IGSF5: variants seen among roughly 807,000 people sequenced by gnomAD.
IGSF5 encodes immunoglobulin superfamily 5 like.
A neutral mutation model predicts 39.4 loss-of-function variants in IGSF5; 41 were observed. The observed-to-expected ratio is 1.04, with a 90% CI of 0.81 to 1.35. The LOEUF is 1.35. Ranked by LOEUF, IGSF5 falls within the 40% of genes most tolerant of loss-of-function variation. The pLI, the probability that IGSF5 is intolerant of heterozygous loss-of-function variation, is 0.00. For synonymous variants in IGSF5, 183 were observed against 175.3 expected (o/e 1.04, Z -0.34); for missense variants, 487 against 494.6 (o/e 0.98, Z 0.15).
At chr21:39,714,132 G>A in the IGSF5 span, among the ~76,000 whole-genome samples, 1 of 152,232 alleles carries the variant, frequency 6.6e-6, no homozygotes, top group Non-Finnish European at 1.5e-5. Context: ...GCATTCATCG[G>A]TTGCTTGGCT....
intron 4 of IGSF5, among the ~76,000 whole-genome samples, chr21:39,776,362 C>G (rs2080140841): frequency 6.6e-6 from 1 of 152,142 alleles, no homozygotes; most frequent in Non-Finnish European, 1.5e-5. Context: ...GCTTAAGTCT[C>G]ACCCAGGCAT....
chr21:39,753,549 A>G (rs1276769314), intron 2 of IGSF5, among the ~76,000 whole-genome samples: 1 of 152,130 alleles, frequency 6.6e-6, no homozygotes, highest in Non-Finnish European at 1.5e-5. Context: ...TGCCTTGATG[A>G]TCTGTCTAGT....
At chr21:39,756,855 A>G (rs941732227) in intron 2 of IGSF5, among the ~76,000 whole-genome samples, 1 of 152,082 alleles carries the variant, frequency 6.6e-6, no homozygotes, top group Non-Finnish European at 1.5e-5. Flanking sequence ...AGAGGGCATC[A>G]AAGAACAAAG....
chr21:39,801,127 G>T, intron 8 of IGSF5, 135 bp from the exon 9 acceptor site: 1 of 642,852 alleles, frequency 1.6e-6, no homozygotes, highest in Non-Finnish European at 2.7e-6. Flanking sequence ...AAGAAAGGAA[G>T]AGCTTATTTT....
chr21:39,765,416 C>G (rs1413170473), intron 2 of IGSF5, 119 bp from the exon 3 acceptor site: 5 of 853,204 alleles, frequency 5.9e-6, no homozygotes, highest in Non-Finnish European at 9.1e-6. Context: ...AAGACACAGT[C>G]TGAGTCACTG....
intron 2 of IGSF5, among the ~76,000 whole-genome samples, chr21:39,762,419 TTAAA>T (rs1471227353): frequency 6.6e-6 from 1 of 151,948 alleles, no homozygotes; most frequent in African/African-American, 2.4e-5. Flanking sequence ...GTTTAAAGAG[TTAAA>T]TAAACGCCTA....
At chr21:39,716,022 C>G in the IGSF5 span, among the ~76,000 whole-genome samples, 891 of 152,334 alleles carry the variant, frequency 5.8e-3, 30 homozygotes, top group Admixed American at 0.053. Flanking sequence ...CCATTTCAAT[C>G]CACACTGATA....
At chr21:39,750,204 A>AAGAGCATTC (rs2079998094) in intron 2 of IGSF5, among the ~76,000 whole-genome samples, 1 of 152,190 alleles carries the variant, frequency 6.6e-6, no homozygotes, top group African/African-American at 2.4e-5. Flanking sequence ...AACTGGAAGG[A>AAGAGCATTC]AGAGCATTCT....
chr21:39,735,926 C>T, the IGSF5 span, among the ~76,000 whole-genome samples: 1 of 152,154 alleles, frequency 6.6e-6, no homozygotes, highest in Non-Finnish European at 1.5e-5. Context: ...CAATCTTCGC[C>T]CATTTCAACT....
the IGSF5 span, among the ~76,000 whole-genome samples, chr21:39,731,513 A>G: frequency 6.6e-6 from 1 of 152,210 alleles, no homozygotes; most frequent in Admixed American, 6.5e-5. Flanking sequence ...GTCTAATCAC[A>G]TGGACTTTTT....
the IGSF5 span, among the ~76,000 whole-genome samples, chr21:39,722,294 A>G: frequency 2.0e-5 from 3 of 152,122 alleles, no homozygotes; most frequent in African/African-American, 7.2e-5. Context: ...TACTCAATGC[A>G]CCCTCAGTCA....
chr21:39,771,058 T>C lies in IGSF5; in HGVS notation c.561T>C (p.Tyr187=). The change falls in exon 4 of 9, where the codon TAT becomes TAC. Residue 187 remains tyrosine, a synonymous_variant. Transcript: ENST00000380588. ...GTCTCCTGGTCAGCCATTCAAGCTATTATTTTGTTCCGGAGCCCAGCGACC... is the reference window on the plus strand; with the variant it reads ...GTCTCCTGGTCAGCCATTCAAGCTACTATTTTGTTCCGGAGCCCAGCGACC... ...ELGLLVSHSS[Y]YFVPEPSDLQ... is the part of the protein sequence containing the mutation. The C allele has an allele frequency of 6.2e-7, 1 of 1,613,818 alleles. No individual in the cohort carries two copies. The highest frequency in any genetic ancestry group is 8.5e-7 in the Non-Finnish European group (1 of 1,179,886).
chr21:39,800,557 C>T (rs541941729), intron 8 of IGSF5, among the ~76,000 whole-genome samples: 1 of 152,306 alleles, frequency 6.6e-6, no homozygotes, highest in South Asian at 2.1e-4. Context: ...AAATTAAGAG[C>T]GTGAGCCAGA....
At chr21:39,749,190 G>GT (rs1390855982) in intron 2 of IGSF5, among the ~76,000 whole-genome samples, 2 of 149,888 alleles carry the variant, frequency 1.3e-5, no homozygotes, top group Non-Finnish European at 3.0e-5. Flanking sequence ...GAACAAATAG[G>GT]TTTCTTTTGG....
chr21:39,759,374 A>G (rs1444775524), intron 2 of IGSF5, among the ~76,000 whole-genome samples: 1 of 152,182 alleles, frequency 6.6e-6, no homozygotes, highest in African/African-American at 2.4e-5. Flanking sequence ...TGTTTGTAGA[A>G]TGGAGAGGAA....
chr21:39,732,753 T>A, the IGSF5 span, among the ~76,000 whole-genome samples: 1 of 151,722 alleles, frequency 6.6e-6, no homozygotes, highest in African/African-American at 2.4e-5. Context: ...AAGCCGGGAG[T>A]GGTGGCTCAT....
At chr21:39,783,741 A>G (rs1207012722) in intron 5 of IGSF5, among the ~76,000 whole-genome samples, 3 of 151,984 alleles carry the variant, frequency 2.0e-5, no homozygotes, top group African/African-American at 4.8e-5. Context: ...CCATTTGTCT[A>G]TTTTTATTTT....
intron 2 of IGSF5, among the ~76,000 whole-genome samples, chr21:39,754,526 A>G (rs1248210817): frequency 6.6e-6 from 1 of 152,090 alleles, no homozygotes; most frequent in Non-Finnish European, 1.5e-5. Flanking sequence ...AAAAGCACCA[A>G]TTTTCTTTCT....
the IGSF5 span, among the ~76,000 whole-genome samples, chr21:39,725,601 G>A: frequency 6.6e-6 from 1 of 152,186 alleles, no homozygotes; most frequent in Non-Finnish European, 1.5e-5. Context: ...CAGGGACAAA[G>A]CAGGGTTCAG....
Sources: allele counts gnomAD v4.1 joint callset (sites outside exome capture counted in the v4.1 genomes callset), GRCh38; gene constraint gnomAD v4.1.1; transcripts MANE v1.5; gene names NCBI Gene and HGNC (gene_info 2026-07-23, HGNC 2026-07-21).